Variants in MYH14 observed in about 807,000 individuals in gnomAD.
The protein encoded by MYH14 is myosin heavy chain 14, also known as myosin-14.
Under a neutral mutation model 255.5 loss-of-function variants are expected in MYH14, and 123 were observed. The ratio of observed to expected loss-of-function variants is 0.48; its 90% CI spans 0.42 to 0.56. The LOEUF is 0.56. Ranked by LOEUF, MYH14 falls within the 20% of genes least tolerant of loss-of-function variation. The pLI, the probability that MYH14 is intolerant of heterozygous loss-of-function variation, is 0.00. For missense variants in MYH14, 2,423 were observed against 2,802.3 expected, an observed-to-expected ratio of 0.86 and a Z score of 3.06; for synonymous variants, 1,095 against 1,161.2, an observed-to-expected ratio of 0.94 and a Z score of 1.16.
intron 24 of MYH14, among the ~76,000 whole-genome samples, chr19:50,268,884 G>A (rs540795120): frequency 2.4e-4 from 37 of 152,264 alleles, no homozygotes; most frequent in African/African-American, 8.4e-4. Context: ...CTGCATTCAC[G>A]GGCAGGCTGC....
intron 18 of MYH14, 57 bp from the exon 19 acceptor site, chr19:50,259,087 G>T: frequency 6.6e-7 from 1 of 1,523,814 alleles, no homozygotes; most frequent in Non-Finnish European, 8.8e-7. Flanking sequence ...AAGCTTGACC[G>T]TTTGGCGCCC....
intron 10 of MYH14, among the ~76,000 whole-genome samples, chr19:50,232,478 C>T (rs2033447591): frequency 6.6e-6 from 1 of 151,718 alleles, no homozygotes; most frequent in Non-Finnish European, 1.5e-5. Flanking sequence ...CCTGTAATCC[C>T]AGCTACTCAG....
chr19:50,252,724 A>G lies in MYH14; in HGVS notation c.1916A>G (p.Asp639Gly). 1 of 1,597,330 alleles carries G rather than the reference A, an allele frequency of 6.3e-7. No homozygotes were observed. The highest frequency in any genetic ancestry group is 1.7e-5 in the Admixed American group (1 of 57,542). The change falls in exon 16 of 43, where the codon GAC becomes GGC. Residue 639 changes from aspartate to glycine, a missense_variant. By Grantham distance (94) the Asp-to-Gly change is moderately conservative. Transcript: ENST00000642316. This position sits in a 1 kb window ranked among gnomAD's most constrained non-coding sequence, Gnocchi z 4.2. ...GCAGCCTTGCTCCACCAGAGCACAG[A>G]CCGGCTGACGGCAGAGATCTGGAAA... Reference protein sequence around the residue: ...NVAALLHQSTDRLTAEIWKDE... With the variant: ...NVAALLHQSTGRLTAEIWKDE...
At position 50,286,675 on chromosome 19, in the gene MYH14, A is replaced by C. The variant is rs1350430616; in HGVS notation, c.4733A>C (p.Lys1578Thr). The change falls in exon 34 of 43, where the codon AAG (lysine) becomes ACG (threonine). Residue 1578 changes from lysine to threonine, a missense_variant. Transcript: ENST00000642316. ...GAGCTGGAGGCACTGCTGAGCAGCA[A>C]GGATGACGTCGGCAAGAGCGTGAGC... is the stretch of plus-strand genomic sequence containing the variant. The part of the protein sequence containing the change: ...RAELEALLSS[K>T]DDVGKSVHEL... 6.3e-7 allele frequency: 1 copy of C among 1,578,802 alleles called. No homozygotes were observed. Among genetic ancestry groups the C allele is most frequent in the Non-Finnish European group, 8.6e-7 (1 of 1,163,562 alleles).
At position 50,293,634 on chromosome 19, in the gene MYH14, G is replaced by C; in HGVS notation, c.5416G>C (p.Glu1806Gln). 6.2e-7 allele frequency: 1 copy of C among 1,612,426 alleles called. No homozygotes were observed. The highest frequency in any genetic ancestry group is 8.5e-7 in the Non-Finnish European group (1 of 1,179,240). ...GCAGTTGGAGGAAGAGCTGGAGGAG[G>C]AGCAGAGCAACTCGGAGCTGCTCAA... Reference protein sequence around the residue: ...LGQLEEELEEEQSNSELLNDR... With the variant: ...LGQLEEELEEQQSNSELLNDR... Residue 1806 changes from glutamate (E) to glutamine (Q), a missense_variant, in exon 39 of 43, where the codon GAG becomes CAG. By Grantham distance (29) the Glu-to-Gln change is conservative. Coordinates refer to ENST00000642316, the MANE Select transcript of MYH14 (RefSeq NM_001145809.2). The surrounding 1 kb of genome is among the most constrained non-coding windows in gnomAD (Gnocchi z 4.1).
chr19:50,233,238 C>T (rs1360342817), intron 10 of MYH14, among the ~76,000 whole-genome samples: 1 of 151,970 alleles, frequency 6.6e-6, no homozygotes, highest in Non-Finnish European at 1.5e-5. Flanking sequence ...GGTGTGATCT[C>T]AGCCCACTGC....
chr19:50,270,521 CAAAA>C, intron 24 of MYH14, among the ~76,000 whole-genome samples: 1 of 52,902 alleles, frequency 1.9e-5, no homozygotes, highest in Admixed American at 2.2e-4. Context: ...AACTCCGTCT[CAAAA>C]AAAAAAAAAA....
chr19:50,287,092 T>G (rs2035916144), intron 34 of MYH14, among the ~76,000 whole-genome samples: 1 of 151,894 alleles, frequency 6.6e-6, no homozygotes, highest in Non-Finnish European at 1.5e-5. Context: ...CACTCCAGCC[T>G]GGGTGACAGA....
Position 50,280,675 on chromosome 19 carries a change from C to T in MYH14, c.4290+292C>T, listed in dbSNP as rs1388266013. On this transcript the variant is annotated intron_variant, in intron 32 of 42. Coordinates refer to ENST00000642316, the MANE Select transcript of MYH14 (RefSeq NM_001145809.2). The surrounding 1 kb of genome is among the most constrained non-coding windows in gnomAD (Gnocchi z 4.8). ...GGCCTCTGGGCCTCCAGCCTCTCCCCTAACAGCTCATCCCCTGCACAGCCC... is the reference window on the plus strand; with the variant it reads ...GGCCTCTGGGCCTCCAGCCTCTCCCTTAACAGCTCATCCCCTGCACAGCCC... 6.6e-6 allele frequency among the ~76,000 whole-genome samples: 1 copy of T among 152,108 alleles called. No individual in the cohort carries two copies. The highest frequency in any genetic ancestry group is 2.4e-5 in the African/African-American group (1 of 41,410).
chr19:50,305,052 G>A (rs941624458), intron 40 of MYH14, among the ~76,000 whole-genome samples: 12 of 152,098 alleles, frequency 7.9e-5, no homozygotes, highest in Non-Finnish European at 1.5e-4. Context: ...ACTGGGCCAC[G>A]GAACTCTGTT....
rs2033331890 is a variant in MYH14 at position 50,230,652 on chromosome 19, A to G, written c.973+29A>G. On this transcript the variant is annotated intron_variant, in intron 9 of 42. Transcript: ENST00000642316. This position sits in a 1 kb window ranked among gnomAD's most constrained non-coding sequence, Gnocchi z 4.7. Reference sequence around the variant, plus strand: ...AGTGCCGCCCCGTCCTACCCTGCTCACCCGGGAGAGGGTGGGCACCATGTC... The same window carrying G: ...AGTGCCGCCCCGTCCTACCCTGCTCGCCCGGGAGAGGGTGGGCACCATGTC... The G allele has an allele frequency of 6.5e-7, 1 of 1,540,268 alleles. No individual in the cohort carries two copies. Among genetic ancestry groups the G allele is most frequent in the Non-Finnish European group, 8.8e-7 (1 of 1,138,046 alleles).
Position 50,250,795 on chromosome 19 carries a change from T to A in MYH14, c.1830+107T>A, listed in dbSNP as rs2123310538. 2 of 1,220,048 alleles carry A rather than the reference T, an allele frequency of 1.6e-6. No homozygotes were observed. The highest frequency in any genetic ancestry group is 1.5e-5 in the African/African-American group (1 of 66,558). 75.6% of individuals were successfully genotyped at this position (1,220,048 alleles called of 1,614,324 possible). ...GAGGGAAAACAGGGTCCTCCTGAGGTCCAGACAAACAGAGCAGGGGCTAGG... is the reference window on the plus strand; with the variant it reads ...GAGGGAAAACAGGGTCCTCCTGAGGACCAGACAAACAGAGCAGGGGCTAGG... On this transcript the variant is annotated intron_variant, in intron 15 of 42. Coordinates refer to ENST00000642316, the MANE Select transcript of MYH14 (RefSeq NM_001145809.2). This position sits in a 1 kb window ranked among gnomAD's most constrained non-coding sequence, Gnocchi z 5.4.
intron 10 of MYH14, among the ~76,000 whole-genome samples, chr19:50,235,076 G>A (rs2033595519): frequency 6.6e-6 from 1 of 152,132 alleles, no homozygotes; most frequent in African/African-American, 2.4e-5. Flanking sequence ...TTTCTCTATT[G>A]GTTCAAAAGT....
intron 7 of MYH14, 32 bp downstream of exon 7, chr19:50,225,709 G>T (rs1245549514): frequency 1.3e-6 from 2 of 1,552,402 alleles, no homozygotes; most frequent in Admixed American, 3.4e-5. Flanking sequence ...TGCTGGCTGT[G>T]TCAGGGATAC....
At chr19:50,300,790 G>A (rs1452511091) in intron 39 of MYH14, among the ~76,000 whole-genome samples, 2 of 152,124 alleles carry the variant, frequency 1.3e-5, no homozygotes, top group Non-Finnish European at 2.9e-5. Context: ...AGGGGTGATG[G>A]TGTACGCCTG....
chr19:50,237,249 C>G (rs1292446366), intron 10 of MYH14, among the ~76,000 whole-genome samples: 1 of 152,100 alleles, frequency 6.6e-6, no homozygotes, highest in Non-Finnish European at 1.5e-5. Context: ...CAGCTGTCAC[C>G]AGCTCCATCA....
chr19:50,204,060 A>G (rs1160076847), intron 1 of MYH14, among the ~76,000 whole-genome samples: 4 of 152,216 alleles, frequency 2.6e-5, no homozygotes, highest in Non-Finnish European at 5.9e-5. Flanking sequence ...ATCGGAGGCC[A>G]GAGAGAGGGG....
Position 50,276,812 on chromosome 19 carries a change from C to T in MYH14, c.3736C>T (p.Arg1246Cys), listed in dbSNP as rs1277975602. ...ELKKTLEEET[R>C]IHEAAVQELR... Reference sequence around the variant, plus strand: ...GAAGAAGACTCTGGAGGAGGAGACTCGCATCCACGAGGCGGCAGTGCAGGA... The same window carrying T: ...GAAGAAGACTCTGGAGGAGGAGACTTGCATCCACGAGGCGGCAGTGCAGGA... Residue 1246 changes from arginine to cysteine, a missense_variant, in exon 29 of 43, where the codon CGC (arginine) becomes TGC (cysteine). Physicochemically the swap from Arg to Cys is radical, Grantham distance 180. This residue lies in a region of MYH14 where 1,513 missense variants were observed against 1,674.8 expected (regional missense o/e 0.90). Transcript: ENST00000642316. This position sits in a 1 kb window ranked among gnomAD's most constrained non-coding sequence, Gnocchi z 4.3. 3.7e-6 allele frequency: 6 copies of T among 1,613,114 alleles called. No homozygotes were observed. Among genetic ancestry groups the T allele is most frequent in the Non-Finnish European group, 5.1e-6 (6 of 1,179,864 alleles).
chr19:50,300,358 G>A (rs908871111), intron 39 of MYH14, among the ~76,000 whole-genome samples: 1 of 152,184 alleles, frequency 6.6e-6, no homozygotes, highest in Non-Finnish European at 1.5e-5. Flanking sequence ...GTTCTTGGTT[G>A]AGAATTACTG....
Sources: gnomAD v4.1 joint callset for allele counts (sites outside exome capture counted in the v4.1 genomes callset) on GRCh38, gnomAD v4.1.1 for gene constraint, gnomAD v4.1.1 regional missense constraint, Gnocchi (gnomAD v3.1) non-coding constraint, MANE v1.5 for transcripts, NCBI Gene and HGNC (gene_info 2026-07-23, HGNC 2026-07-21) for gene names.